The following ACTR3 variants were observed in gnomAD, a reference collection of about 807,000 sequenced individuals.
ACTR3 encodes the protein actin-related protein 3.
A neutral mutation model predicts 56.8 loss-of-function variants in ACTR3; 12 were observed. The ratio of observed to expected loss-of-function variants is 0.21; its 90% CI spans 0.14 to 0.34. The LOEUF (loss-of-function observed/expected upper bound fraction) is 0.34, where lower values mean the gene tolerates loss of function less well. Among genes scored for constraint, ACTR3 ranks in the 10% least tolerant of loss-of-function variants. ACTR3 has a pLI of 1.00. For synonymous variants in ACTR3, 162 were observed against 167.4 expected (o/e 0.97, Z 0.25); for missense variants, 282 against 512.5 (o/e 0.55, Z 4.34).
rs1332401401 is a variant in ACTR3 at position 113,960,955 on chromosome 2, C to G, written c.*3500C>G. On this transcript the variant is annotated 3_prime_UTR_variant, in exon 12 of 12. Coordinates refer to ENST00000263238, the MANE Select transcript of ACTR3 (RefSeq NM_005721.5). ...TAGTTGGCCAAGGACAGAGTTGTTA[C>G]AAGTTACGTGGAACTTTCATAGCAA... The G allele has an allele frequency of 2.0e-5, 3 of 152,024 alleles. No individual in the cohort carries two copies. Among genetic ancestry groups the G allele is most frequent in the Middle Eastern group, 3.1e-3 (1 of 318 alleles). 9.4% of individuals were successfully genotyped at this position (152,024 alleles called of 1,614,324 possible).
chr2:113,939,435 T>C (rs1418869305), intron 6 of ACTR3, among the ~76,000 whole-genome samples: 8 of 152,220 alleles, frequency 5.3e-5, no homozygotes, highest in South Asian at 2.1e-4. Flanking sequence ...TCTTTCCTAA[T>C]GAAATTTAAT....
At chr2:113,931,418 A>T (rs374572880) in intron 5 of ACTR3, 22 bp downstream of exon 5, 4 of 1,487,670 alleles carry the variant, frequency 2.7e-6, no homozygotes, top group African/African-American at 1.4e-5. Context: ...CATACTTTCT[A>T]AGTTTGATTC....
intron 3 of ACTR3, among the ~76,000 whole-genome samples, chr2:113,926,799 A>G (rs1679629168): frequency 6.6e-6 from 1 of 152,248 alleles, no homozygotes; most frequent in Non-Finnish European, 1.5e-5. Context: ...CACCACATCC[A>G]AATCATAGTA....
intron 3 of ACTR3, among the ~76,000 whole-genome samples, chr2:113,920,427 T>C (rs540485758): frequency 1.2e-4 from 19 of 152,358 alleles, no homozygotes; most frequent in African/African-American, 4.6e-4. Context: ...TATTTTGATA[T>C]GTACAGTGTG....
At chr2:113,945,063 A>G (rs1679991179) in intron 8 of ACTR3, among the ~76,000 whole-genome samples, 1 of 152,212 alleles carries the variant, frequency 6.6e-6, no homozygotes, top group East Asian at 1.9e-4. Context: ...ATTGGAGATC[A>G]TGATGAAATG....
At chr2:113,893,745 CT>C (rs1678952221) in intron 1 of ACTR3, among the ~76,000 whole-genome samples, 1 of 151,718 alleles carries the variant, frequency 6.6e-6, no homozygotes, top group African/African-American at 2.4e-5. Context: ...TTTTTTTCCC[CT>C]GGTAAATAAA....
At chr2:113,927,593 T>C in intron 4 of ACTR3, 138 bp downstream of exon 4, 1 of 560,558 alleles carries the variant, frequency 1.8e-6, no homozygotes. Context: ...CTGTATCATC[T>C]TTAAGACCAT....
intron 1 of ACTR3, among the ~76,000 whole-genome samples, chr2:113,909,441 C>T (rs1679261057): frequency 1.3e-5 from 2 of 152,044 alleles, no homozygotes; most frequent in South Asian, 4.1e-4. Flanking sequence ...GTAATGTGGT[C>T]TGTACTTCAA....
chr2:113,957,345 AT>A lies in ACTR3; in HGVS notation c.1162-9del. 4 of 1,597,868 alleles carry A rather than the reference AT, an allele frequency of 2.5e-6. No homozygotes were observed. Among genetic ancestry groups the A allele is most frequent in the South Asian group, 1.1e-5 (1 of 90,596 alleles). ...ATTTTTGACCCTTATAAAAATACAT[AT>A]TTTTTGTTTTCAGCCTGAGTTCTAC... On this transcript the variant is annotated splice_polypyrimidine_tract_variant and intron_variant, in intron 11 of 11. Coordinates refer to ENST00000263238, the MANE Select transcript of ACTR3 (RefSeq NM_005721.5).
At chr2:113,890,576 G>C (rs1678868539) in intron 1 of ACTR3, 3 of 1,367,092 alleles carry the variant, frequency 2.2e-6, no homozygotes, top group Non-Finnish European at 2.8e-6. Flanking sequence ...TTCTCCGCGC[G>C]ACCCCTCCCG....
intron 8 of ACTR3, chr2:113,950,721 T>A (rs1321857982): frequency 6.6e-6 from 1 of 152,234 alleles, no homozygotes; most frequent in Non-Finnish European, 1.5e-5. Context: ...GAGTTTGTTG[T>A]AAGAAGTGGA....
At chr2:113,918,013 A>G (rs1679439644) in intron 3 of ACTR3, among the ~76,000 whole-genome samples, 1 of 152,184 alleles carries the variant, frequency 6.6e-6, no homozygotes, top group Admixed American at 6.5e-5. Context: ...AGGTAGAGAA[A>G]CCAATATATG....
At chr2:113,912,493 CTT>C (rs1431008760) in intron 1 of ACTR3, among the ~76,000 whole-genome samples, 2 of 152,076 alleles carry the variant, frequency 1.3e-5, no homozygotes, top group East Asian at 3.8e-4. Flanking sequence ...AACATTAAAT[CTT>C]ATATTTATTT....
chr2:113,911,294 G>GTT (rs60682563), intron 1 of ACTR3, among the ~76,000 whole-genome samples: 5 of 143,138 alleles, frequency 3.5e-5, no homozygotes, highest in African/African-American at 1.3e-4. Context: ...TTTGTTTTTC[G>GTT]TTTTTTTTTT....
At chr2:113,892,563 C>T (rs1472775629) in intron 1 of ACTR3, among the ~76,000 whole-genome samples, 1 of 152,134 alleles carries the variant, frequency 6.6e-6, no homozygotes. Context: ...TTTATTTGCA[C>T]ATGGAGGATA....
intron 6 of ACTR3, among the ~76,000 whole-genome samples, chr2:113,938,688 C>T (rs1414597467): frequency 6.6e-6 from 1 of 152,108 alleles, no homozygotes; most frequent in Non-Finnish European, 1.5e-5. Flanking sequence ...TCTAGAGGTC[C>T]TTTCTCTCAC....
At chr2:113,933,416 G>A (rs1250079988) in intron 5 of ACTR3, among the ~76,000 whole-genome samples, 2 of 152,066 alleles carry the variant, frequency 1.3e-5, no homozygotes, top group Non-Finnish European at 2.9e-5. Context: ...GGCTGAGGCA[G>A]AGAATTGCTT....
chr2:113,917,477 T>C (rs145463960), intron 3 of ACTR3, among the ~76,000 whole-genome samples: 80 of 152,298 alleles, frequency 5.3e-4, no homozygotes, highest in Non-Finnish European at 9.6e-4. Flanking sequence ...GTGTTAATTA[T>C]ACAGTTCGAA....
chr2:113,943,619 A>G (rs995193438), intron 8 of ACTR3, among the ~76,000 whole-genome samples: 4 of 152,130 alleles, frequency 2.6e-5, no homozygotes, highest in Non-Finnish European at 5.9e-5. Flanking sequence ...AGAATGAGGA[A>G]GGAGGTGAGA....
Sources: allele counts gnomAD v4.1 joint callset (sites outside exome capture counted in the v4.1 genomes callset), GRCh38; gene constraint gnomAD v4.1.1; transcripts MANE v1.5; gene names NCBI Gene and HGNC (gene_info 2026-07-23, HGNC 2026-07-21).